Variants in DIAPH1 observed in about 807,000 individuals in gnomAD.
The protein encoded by DIAPH1 is diaphanous related formin 1.
A neutral mutation model predicts 140.7 loss-of-function variants in DIAPH1; 46 were observed. The ratio of observed to expected loss-of-function variants is 0.33; its 90% CI spans 0.26 to 0.42. The LOEUF (loss-of-function observed/expected upper bound fraction) is 0.42. Among genes scored for constraint, DIAPH1 ranks in the 10% least tolerant of loss-of-function variants. The pLI is 1.00. For synonymous variants in DIAPH1, 565 were observed against 551.6 expected (o/e 1.02, Z -0.34); for missense variants, 1,310 against 1,558.7 (o/e 0.84, Z 2.69).
chr5:141,563,627 A>C (rs1018432453), intron 18 of DIAPH1: 1 of 152,236 alleles, frequency 6.6e-6, no homozygotes, highest in Non-Finnish European at 1.5e-5. Flanking sequence ...ATTTAAAAGG[A>C]CATTTGGTTA....
At chr5:141,600,058 T>A (rs1212918064) in intron 1 of DIAPH1, among the ~76,000 whole-genome samples, 1 of 152,108 alleles carries the variant, frequency 6.6e-6, no homozygotes, top group Non-Finnish European at 1.5e-5. Flanking sequence ...GAAAGGGGAA[T>A]CATCCAAGTG....
rs376832359 is a variant in DIAPH1 at position 141,516,999 on chromosome 5, T to C, written c.3671A>G (p.Lys1224Arg). The change falls in exon 28 of 28, where the codon AAG becomes AGG. Residue 1224 changes from lysine (K) to arginine (R), a missense_variant. Lys to Arg is a conservative substitution (Grantham distance 26). Around this residue, in one of 3 missense-constraint regions of DIAPH1, gnomAD observed 344 missense variants for 512.2 expected, o/e 0.67. Transcript: ENST00000389054. Reference sequence around the variant, plus strand: ...CAGAGATGTGACTGCACACCCGGCCTTCCTGTTGGCTGCAAGAGAAGACGA... The same window carrying C: ...CAGAGATGTGACTGCACACCCGGCCCTCCTGTTGGCTGCAAGAGAAGACGA... ...RKRGPRQANR[K>R]AGCAVTSLLA... The C allele has an allele frequency of 8.7e-6, 14 of 1,614,228 alleles. No individual in the cohort carries two copies. The African/African-American group carries it at 1.3e-4, about 15-fold the overall frequency.
chr5:141,526,005 A>G (rs563280693), intron 26 of DIAPH1, 33 bp downstream of exon 26: 22 of 1,613,066 alleles, frequency 1.4e-5, no homozygotes, highest in South Asian at 2.2e-5. Context: ...CAACATTCCT[A>G]TCTCAGCCCA....
chr5:141,581,103 T>C (rs535710379), intron 7 of DIAPH1, among the ~76,000 whole-genome samples: 12 of 152,314 alleles, frequency 7.9e-5, no homozygotes, highest in African/African-American at 1.9e-4. Flanking sequence ...AAAGGGTCCT[T>C]AATCCAATAT....
intron 23 of DIAPH1, 131 bp from the exon 24 acceptor site, chr5:141,527,828 A>G (rs2099887616): frequency 4.3e-6 from 5 of 1,165,608 alleles, no homozygotes; most frequent in South Asian, 3.0e-5. Flanking sequence ...CTGGTACTTA[A>G]TAATTTTAGT....
intron 18 of DIAPH1, among the ~76,000 whole-genome samples, chr5:141,558,697 C>T (rs1293141955): frequency 6.6e-6 from 1 of 152,036 alleles, no homozygotes; most frequent in African/African-American, 2.4e-5. Context: ...CTTTATCTTA[C>T]GCTACACCTC....
At chr5:141,534,230 T>C in intron 19 of DIAPH1, 105 bp downstream of exon 19, 1 of 899,638 alleles carries the variant, frequency 1.1e-6, no homozygotes, top group Non-Finnish European at 1.8e-6. Flanking sequence ...TAGCAGGAAT[T>C]GAACAATTAA....
intron 14 of DIAPH1, 120 bp from the exon 15 acceptor site, chr5:141,575,266 T>A: frequency 2.1e-6 from 2 of 964,372 alleles, no homozygotes; most frequent in Non-Finnish European, 3.3e-6. Context: ...ATCCCCCCAC[T>A]GCCTCCTGTT....
chr5:141,580,402 C>T (rs555716325), intron 8 of DIAPH1, among the ~76,000 whole-genome samples: 12 of 151,860 alleles, frequency 7.9e-5, no homozygotes, highest in African/African-American at 2.9e-4. Flanking sequence ...ACTTTATATA[C>T]TTCTATATCG....
intron 1 of DIAPH1, among the ~76,000 whole-genome samples, chr5:141,613,705 G>A (rs1247138831): frequency 6.6e-6 from 1 of 152,050 alleles, no homozygotes; most frequent in East Asian, 1.9e-4. Flanking sequence ...TAAAATATTA[G>A]TCTATTTCTC....
chr5:141,566,895 A>AAAAC lies in DIAPH1; in HGVS notation c.2482+4532_2482+4533insGTTT, dbSNP rs1562314864. On this transcript the variant is annotated intron_variant, in intron 18 of 27. Transcript: ENST00000389054. ...GGGCAACAGAGCAAGACTCCATCTC[A>AAAAC]AAAACAAAACAAAACAAAACAAAAC... Among the ~76,000 whole-genome samples the AAAAC allele has an allele frequency of 1.1e-3, 170 of 149,974 alleles. 1 individual carries two copies. In the East Asian group the frequency reaches 0.03, roughly 27 times the overall value.
intron 19 of DIAPH1, among the ~76,000 whole-genome samples, 193 bp downstream of exon 19, chr5:141,534,142 T>G (rs2099888677): frequency 6.6e-6 from 1 of 151,528 alleles, no homozygotes; most frequent in East Asian, 1.9e-4. Context: ...GACATAAAAC[T>G]GGATACTTAA....
At chr5:141,618,630 G>A (rs960082481) in intron 1 of DIAPH1, 168 bp downstream of exon 1, 1 of 516,682 alleles carries the variant, frequency 1.9e-6, no homozygotes, top group East Asian at 3.7e-5. Flanking sequence ...GCTTCCCGAG[G>A]TCCCGAAGGG....
intron 1 of DIAPH1, among the ~76,000 whole-genome samples, chr5:141,605,392 G>A (rs1034979548): frequency 1.3e-5 from 2 of 151,940 alleles, no homozygotes; most frequent in East Asian, 1.9e-4. Context: ...GGGTTCTTAC[G>A]TATTGTTTCA....
intron 18 of DIAPH1, among the ~76,000 whole-genome samples, chr5:141,560,316 GA>G (rs1430528176): frequency 1.3e-5 from 2 of 152,206 alleles, no homozygotes; most frequent in Admixed American, 1.3e-4. Flanking sequence ...TCAGTCACTG[GA>G]AGCAAGCACC....
rs1426398756 is a variant in DIAPH1 at position 141,591,712 on chromosome 5, A to ATATATATATATATATATATATATATT, written c.118-3463_118-3462insAATATATATATATATATATATATATA. 1.1e-4 allele frequency among the ~76,000 whole-genome samples: 8 copies of ATATATATATATATATATATATATATT among 71,668 alleles called. No homozygotes were observed. The South Asian group carries it at 1.8e-3, about 17-fold the overall frequency. 47.0% of individuals were successfully genotyped at this position (71,668 alleles called of 152,430 possible). On this transcript the variant is annotated intron_variant, in intron 1 of 27. Transcript: ENST00000389054. ...GAGATGGGGATATATATATATATAT[A>ATATATATATATATATATATATATATT]TATATATATATATATGAAGGAAGAT...
At chr5:141,590,322 A>G (rs577100041) in intron 1 of DIAPH1, among the ~76,000 whole-genome samples, 1 of 152,336 alleles carries the variant, frequency 6.6e-6, no homozygotes, top group African/African-American at 2.4e-5. Flanking sequence ...CCACTGGCTG[A>G]GGGCTAATCA....
At chr5:141,576,082 T>C (rs1175781929) in intron 14 of DIAPH1, 148 bp downstream of exon 14, 7 of 685,134 alleles carry the variant, frequency 1.0e-5, no homozygotes, top group Admixed American at 2.3e-5. Flanking sequence ...GACTACCCTA[T>C]ACTGGAAAGG....
intron 18 of DIAPH1, among the ~76,000 whole-genome samples, chr5:141,548,062 G>A (rs565176847): frequency 1.1e-4 from 17 of 152,120 alleles, no homozygotes; most frequent in South Asian, 4.2e-4. Context: ...AGCTGGATGC[G>A]GTGGTGCACG....
Sources: gnomAD v4.1 joint callset for allele counts (sites outside exome capture counted in the v4.1 genomes callset) on GRCh38, gnomAD v4.1.1 for gene constraint, gnomAD v4.1.1 regional missense constraint, MANE v1.5 for transcripts, NCBI Gene and HGNC (gene_info 2026-07-23, HGNC 2026-07-21) for gene names.